PRR11: variants seen among roughly 807,000 people sequenced by gnomAD.
PRR11 encodes the protein proline-rich protein 11.
In PRR11, 30 loss-of-function variants were observed where a neutral mutation model predicts 45.6. The ratio of observed to expected loss-of-function variants is 0.66; its 90% confidence interval spans 0.49 to 0.89. The LOEUF is 0.89. PRR11 is among the 40% of genes least tolerant of loss of function. The pLI, the probability that PRR11 is intolerant of heterozygous loss-of-function variation, is 0.00. For synonymous variants in PRR11, 128 were observed against 153.5 expected (o/e 0.83, Z 1.23); for missense variants, 373 against 424.8 (o/e 0.88, Z 1.07).
chr17:59,185,637 G>A, intron 4 of PRR11, 75 bp downstream of exon 4: 2 of 1,276,462 alleles, frequency 1.6e-6, no homozygotes, highest in Non-Finnish European at 2.2e-6. Flanking sequence ...TATTGCAATA[G>A]GGAAAATGCT....
chr17:59,196,565 C>T (rs1231831654), intron 7 of PRR11, among the ~76,000 whole-genome samples: 2 of 151,890 alleles, frequency 1.3e-5, no homozygotes, highest in East Asian at 1.9e-4. Flanking sequence ...TTAATAGAGA[C>T]GGGGTTTCAC....
chr17:59,191,267 G>A (rs928394342), intron 4 of PRR11, among the ~76,000 whole-genome samples: 14 of 146,096 alleles, frequency 9.6e-5, no homozygotes, highest in Non-Finnish European at 2.1e-4. Context: ...CACCCAGGCT[G>A]GAGTGCAGTG....
chr17:59,200,380 AG>A, intron 9 of PRR11, among the ~76,000 whole-genome samples: 1 of 152,220 alleles, frequency 6.6e-6, no homozygotes, highest in East Asian at 1.9e-4. Flanking sequence ...AAGTCGCTTG[AG>A]GCCAGGAGTT....
At chr17:59,177,367 GA>G (rs1276882851) in intron 2 of PRR11, 1 of 526,998 alleles carries the variant, frequency 1.9e-6, no homozygotes, top group Non-Finnish European at 3.9e-6. Context: ...GAAGGGACCT[GA>G]GTGTTGGGGT....
Position 59,198,080 on chromosome 17 carries a change from C to T in PRR11, c.1014+291C>T, listed in dbSNP as rs141110468. 4.0e-4 allele frequency among the ~76,000 whole-genome samples: 61 copies of T among 152,262 alleles called. No individual in the cohort carries two copies. In the East Asian group the frequency reaches 8.3e-3, roughly 21 times the overall value. On this transcript the variant is annotated intron_variant, in intron 9 of 9. Transcript: ENST00000262293. ...AGTGAGCTGTGATTGCACCACTGCACTCCAGTCTGGGTGACAAAGCAAGAC... is the reference window on the plus strand; with the variant it reads ...AGTGAGCTGTGATTGCACCACTGCATTCCAGTCTGGGTGACAAAGCAAGAC...
intron 1 of PRR11, among the ~76,000 whole-genome samples, chr17:59,158,576 A>T (rs933825546): frequency 1.3e-5 from 2 of 152,248 alleles, no homozygotes; most frequent in African/African-American, 2.4e-5. Context: ...TACGTACAGA[A>T]AGAGTGTGTG....
intron 3 of PRR11, 70 bp downstream of exon 3, chr17:59,185,274 G>T: frequency 6.4e-7 from 1 of 1,563,408 alleles, no homozygotes; most frequent in Non-Finnish European, 8.7e-7. Flanking sequence ...ATACATATGT[G>T]CTCAAGTCAG....
chr17:59,184,059 C>T (rs1454414247), intron 2 of PRR11, among the ~76,000 whole-genome samples: 2 of 152,288 alleles, frequency 1.3e-5, no homozygotes, highest in East Asian at 1.9e-4. Context: ...GAGCTATGAT[C>T]TTGCCACCGC....
intron 2 of PRR11, chr17:59,181,690 T>C: frequency 6.5e-7 from 1 of 1,549,942 alleles, no homozygotes; most frequent in Non-Finnish European, 8.8e-7. Flanking sequence ...GTCCGACCAC[T>C]CCCTCTTCCT....
At chr17:59,174,864 A>ATGGGGTATCC in intron 2 of PRR11, 1 of 1,237,468 alleles carries the variant, frequency 8.1e-7, no homozygotes, top group South Asian at 1.2e-5. Flanking sequence ...CCTTAAGAAG[A>ATGGGGTATCC]TGGGGACTCC....
At chr17:59,170,884 T>C (rs1367873612) in intron 2 of PRR11, among the ~76,000 whole-genome samples, 1 of 152,210 alleles carries the variant, frequency 6.6e-6, no homozygotes, top group African/African-American at 2.4e-5. Context: ...TTCATCTTTA[T>C]TACGTTTCCC....
intron 1 of PRR11, among the ~76,000 whole-genome samples, chr17:59,168,812 C>A (rs775205290): frequency 2.6e-5 from 4 of 152,144 alleles, no homozygotes; most frequent in Non-Finnish European, 5.9e-5. Context: ...TTAGAAAGAA[C>A]ATGGAAGACT....
intron 1 of PRR11, among the ~76,000 whole-genome samples, chr17:59,158,155 T>A (rs1007490995): frequency 2.6e-4 from 40 of 152,134 alleles, no homozygotes; most frequent in African/African-American, 9.7e-4. Context: ...GGCAGGAGAA[T>A]CATTGAAGGA....
At chr17:59,160,490 C>T (rs1020506748) in intron 1 of PRR11, among the ~76,000 whole-genome samples, 3 of 152,080 alleles carry the variant, frequency 2.0e-5, no homozygotes, top group Non-Finnish European at 4.4e-5. Flanking sequence ...AGTCTGGTCT[C>T]GAACTTGACC....
chr17:59,157,327 T>A (rs2046630551), intron 1 of PRR11, among the ~76,000 whole-genome samples: 1 of 152,146 alleles, frequency 6.6e-6, no homozygotes, highest in African/African-American at 2.4e-5. Flanking sequence ...AAAATTACAA[T>A]GAAATGTAAT....
chr17:59,168,589 C>G (rs1464660535), intron 1 of PRR11, among the ~76,000 whole-genome samples: 1 of 151,968 alleles, frequency 6.6e-6, no homozygotes, highest in Non-Finnish European at 1.5e-5. Flanking sequence ...ACTTGGGAGG[C>G]TGAGGCAGGA....
chr17:59,185,573 T>C lies in PRR11; in HGVS notation c.402+11T>C. 6.3e-7 allele frequency: 1 copy of C among 1,584,248 alleles called. No individual in the cohort carries two copies. Among genetic ancestry groups the C allele is most frequent in the South Asian group, 1.1e-5 (1 of 87,076 alleles). On this transcript the variant is annotated intron_variant, in intron 4 of 9. Transcript: ENST00000262293. ...CAGGAAGCACTGAAGGTTGGTATTG[T>C]CAAATAAAAAGCAAATCTGGAATTA...
At chr17:59,175,208 G>C in intron 2 of PRR11, 15 of 454,544 alleles carry the variant, frequency 3.3e-5, no homozygotes, top group South Asian at 2.6e-4. Context: ...AGAGAGGAGG[G>C]CAGGGGACGA....
chr17:59,188,054 C>G (rs769022180), intron 4 of PRR11, among the ~76,000 whole-genome samples: 5 of 152,120 alleles, frequency 3.3e-5, no homozygotes, highest in Non-Finnish European at 7.4e-5. Flanking sequence ...TTCGCTAAAA[C>G]ATAGTCATGT....
Sources: allele counts gnomAD v4.1 joint callset (sites outside exome capture counted in the v4.1 genomes callset), GRCh38; gene constraint gnomAD v4.1.1; transcripts MANE v1.5; gene names NCBI Gene and HGNC (gene_info 2026-07-23, HGNC 2026-07-21).